RAD52: variants seen among roughly 807,000 people sequenced by gnomAD.
The protein encoded by RAD52 is RAD52 DNA repair protein.
Under a neutral mutation model 55.5 loss-of-function variants are expected in RAD52, and 47 were observed. The observed-to-expected ratio is 0.85, with a 90% confidence interval of 0.67 to 1.08. RAD52 has a LOEUF of 1.08. Ranked by LOEUF, RAD52 falls within the 50% of genes least tolerant of loss-of-function variation. RAD52 has a pLI of 0.00. For missense variants in RAD52, 468 were observed against 522.8 expected (o/e 0.90, Z 1.02); for synonymous variants, 184 against 198.9 (o/e 0.92, Z 0.63).
At chr12:974,570 G>A (rs2154121473) in intron 1 of RAD52, 1 of 152,328 alleles carries the variant, frequency 6.6e-6, no homozygotes, top group Non-Finnish European at 1.5e-5. Flanking sequence ...TACCTCTGCA[G>A]TGCCTGCTCT....
In RAD52 at chr12:912,264, C is replaced by G; in HGVS notation, c.*1127G>C. 1.0e-5 allele frequency: 2 copies of G among 196,832 alleles called. No homozygotes were observed. Among genetic ancestry groups the G allele is most frequent in the Non-Finnish European group, 1.1e-5 (1 of 94,922 alleles). 12.2% of individuals were successfully genotyped at this position (196,832 alleles called of 1,614,324 possible). A position where few individuals can be genotyped will look rare whatever the true frequency, so the allele number is the denominator to read the frequency against. On this transcript the variant is annotated 3_prime_UTR_variant, in exon 12 of 12. Transcript: ENST00000358495. The stretch of plus-strand genomic sequence containing the variant: ...CCACACGTGACCTCGTGTGACAAGT[C>G]GCAAAGCACCAGGCATACAACAGTT...
chr12:978,671 C>T lies in RAD52; in HGVS notation c.-19+11138G>A, dbSNP rs544507328. Among the ~76,000 whole-genome samples the T allele has an allele frequency of 3.9e-5, 6 of 152,068 alleles. No homozygotes were observed. In the East Asian group the frequency reaches 5.8e-4, roughly 15 times the overall value. On this transcript the variant is annotated intron_variant, in intron 1 of 11. Transcript: ENST00000430095. ...AAAAGAAATTAGCTGGGCATGGCGG[C>T]GTGCACCTGTAGTCCCAGCTACTCG...
At chr12:973,605 G>C (rs560161257) in intron 1 of RAD52, among the ~76,000 whole-genome samples, 1 of 150,948 alleles carries the variant, frequency 6.6e-6, no homozygotes, top group Admixed American at 6.6e-5. Flanking sequence ...AGCCTCCCGA[G>C]TAGCTGGGAC....
At position 941,932 on chromosome 12, in the gene RAD52, C is replaced by T. The variant is rs370711963; in HGVS notation, c.-19+7670G>A. 3.9e-5 allele frequency among the ~76,000 whole-genome samples: 6 copies of T among 152,176 alleles called. No individual in the cohort carries two copies. In the South Asian group the frequency reaches 6.2e-4, roughly 16 times the overall value. On this transcript the variant is annotated intron_variant, in intron 1 of 11. Coordinates refer to ENST00000358495, the MANE Select transcript of RAD52 (RefSeq NM_134424.4). ...GATTACAGGCATAAGCCACTGCACC[C>T]GGCCTAAAAAGAAATTTTAAAAGGC... is the stretch of plus-strand genomic sequence containing the variant.
At chr12:918,855 C>A (rs1179590809) in intron 7 of RAD52, among the ~76,000 whole-genome samples, 1 of 152,130 alleles carries the variant, frequency 6.6e-6, no homozygotes, top group Non-Finnish European at 1.5e-5. Context: ...TTGGAAAATT[C>A]ATCAAGCTGA....
Position 930,037 on chromosome 12 carries a change from G to C in RAD52, c.280+14C>G, listed in dbSNP as rs1259738371. ...GACAGTGCAGAAGTCCCCACTGCTG[G>C]AGAGCATACTCACCCACATTCTGCT... On this transcript the variant is annotated intron_variant, in intron 4 of 11. Coordinates refer to ENST00000358495, the MANE Select transcript of RAD52 (RefSeq NM_134424.4). 1.9e-6 allele frequency: 3 copies of C among 1,610,610 alleles called. No individual in the cohort carries two copies. Among genetic ancestry groups the C allele is most frequent in the Admixed American group, 3.3e-5 (2 of 59,976 alleles).
chr12:935,853 CAAAAAAATAAATAAATAAAT>C (rs1265111877), intron 1 of RAD52, among the ~76,000 whole-genome samples: 15 of 143,042 alleles, frequency 1.0e-4, no homozygotes, highest in East Asian at 4.4e-4. Flanking sequence ...AACTCCGTCT[CAAAAAAATAAATAAATAAAT>C]AAATAAATAA....
intron 7 of RAD52, among the ~76,000 whole-genome samples, chr12:918,403 GTT>G (rs1372434926): frequency 6.6e-6 from 1 of 151,878 alleles, no homozygotes; most frequent in Non-Finnish European, 1.5e-5. Context: ...TTTGTTTTTT[GTT>G]TTGTTTTTTG....
At position 942,476 on chromosome 12, in the gene RAD52, C is replaced by T. The variant is rs182280826; in HGVS notation, c.-19+7126G>A. 1.6e-3 allele frequency among the ~76,000 whole-genome samples: 249 copies of T among 152,266 alleles called. 1 individual carries two copies. The highest frequency in any genetic ancestry group is 5.7e-3 in the African/African-American group (236 of 41,560). ...AACTATAAAATTTATAGGCCGGGCA[C>T]GGTGGCTCACGCCTATAATCCCAGC... On this transcript the variant is annotated intron_variant, in intron 1 of 11. Coordinates refer to ENST00000358495, the MANE Select transcript of RAD52 (RefSeq NM_134424.4).
chr12:928,259 C>T (rs1957146800), intron 5 of RAD52, among the ~76,000 whole-genome samples: 1 of 152,146 alleles, frequency 6.6e-6, no homozygotes, highest in Non-Finnish European at 1.5e-5. Context: ...CGCCTGTAAT[C>T]CCAGCACTTT....
chr12:945,067 G>T (rs1170152919), intron 1 of RAD52, among the ~76,000 whole-genome samples: 1 of 152,060 alleles, frequency 6.6e-6, no homozygotes, highest in Non-Finnish European at 1.5e-5. Flanking sequence ...TAGAAAAAAA[G>T]TGGCCAGGCA....
chr12:921,979 G>A (rs1294850091), intron 7 of RAD52, among the ~76,000 whole-genome samples: 2 of 151,702 alleles, frequency 1.3e-5, no homozygotes, highest in Admixed American at 6.6e-5. Flanking sequence ...GGTGGCAGGC[G>A]CCTATAGTCC....
intron 9 of RAD52, among the ~76,000 whole-genome samples, chr12:915,261 C>T (rs534059384): frequency 1.3e-5 from 2 of 152,314 alleles, no homozygotes; most frequent in African/African-American, 4.8e-5. Flanking sequence ...ACAATCTACC[C>T]GGGAGCTTCT....
upstream of RAD52, among the ~76,000 whole-genome samples, chr12:950,390 C>G (rs11571376): frequency 0.28 from 42,302 of 151,352 alleles, 6,041 homozygotes; most frequent in South Asian, 0.37. Context: ...GGCAACATGG[C>G]GAAACCCTGT....
chr12:955,553 A>C (rs1958593839), intron 1 of RAD52, among the ~76,000 whole-genome samples: 1 of 151,310 alleles, frequency 6.6e-6, no homozygotes, highest in Non-Finnish European at 1.5e-5. Context: ...AACTCACTGC[A>C]ACCTCTGCCT....
intron 4 of RAD52, 35 bp downstream of exon 4, chr12:930,016 G>A (rs1957244092): frequency 6.3e-7 from 1 of 1,592,834 alleles, no homozygotes; most frequent in Non-Finnish European, 8.6e-7. Context: ...GAGCTGGACA[G>A]TGCAGAAGTC....
intron 2 of RAD52, 26 bp downstream of exon 2, chr12:932,949 T>C: frequency 6.2e-7 from 1 of 1,611,970 alleles, no homozygotes; most frequent in South Asian, 1.1e-5. Flanking sequence ...CCTCATTCTT[T>C]CCCGGCATGA....
intron 1 of RAD52, chr12:974,136 G>A (rs184323746): frequency 6.6e-6 from 1 of 152,236 alleles, no homozygotes; most frequent in African/African-American, 2.4e-5. Flanking sequence ...GAGCAGGTTT[G>A]GGAGTAGAAA....
At chr12:939,298 A>T (rs1194909696) in intron 1 of RAD52, among the ~76,000 whole-genome samples, 1 of 151,946 alleles carries the variant, frequency 6.6e-6, no homozygotes, top group African/African-American at 2.4e-5. Context: ...CTACAGTTGT[A>T]TAACGCCACA....
Sources: allele counts gnomAD v4.1 joint callset (sites outside exome capture counted in the v4.1 genomes callset), GRCh38; gene constraint gnomAD v4.1.1; transcripts MANE v1.5; gene names NCBI Gene and HGNC (gene_info 2026-07-23, HGNC 2026-07-21).